The following DNMT1 variants were observed in gnomAD, a reference collection of about 807,000 sequenced individuals.
DNMT1 encodes the protein DNA (cytosine-5)-methyltransferase 1.
DNMT1 carries 24 observed loss-of-function variants against 205.3 expected under a neutral mutation model. The observed-to-expected ratio is 0.12, with a 90% confidence interval of 0.08 to 0.16. The LOEUF (loss-of-function observed/expected upper bound fraction) is 0.16, where lower values mean the gene tolerates loss of function less well. Ranked by LOEUF, DNMT1 falls within the 10% of genes least tolerant of loss-of-function variation. The pLI, the probability that DNMT1 is intolerant of heterozygous loss-of-function variation, is 1.00. For synonymous variants in DNMT1, 817 were observed against 839.8 expected (o/e 0.97, Z 0.47); for missense variants, 1,293 against 2,177.7 (o/e 0.59, Z 8.09).
At position 10,141,146 on chromosome 19, in the gene DNMT1, T is replaced by A. The variant is rs150331990; in HGVS notation, c.3353A>T (p.His1118Leu). ...KSKSFEDPPN[H>L]ARSPGNKGKG... ...CCCTTTGTTTCCAGGGCTACGGGCA[T>A]GGTTGGGAGGATCTTCAAAGCTTTT... The change falls in exon 31 of 41, where the codon CAT (histidine) becomes CTT (leucine). Residue 1118 changes from histidine (H) to leucine (L), a missense_variant. This residue lies in a region of DNMT1 where 167 missense variants were observed against 258.1 expected (regional missense o/e 0.65). Coordinates refer to ENST00000359526, the MANE Select transcript of DNMT1 (RefSeq NM_001130823.3). The A allele has an allele frequency of 6.2e-7, 1 of 1,614,018 alleles. No homozygotes were observed. Among genetic ancestry groups the A allele is most frequent in the Admixed American group, 1.7e-5 (1 of 60,018 alleles).
At chr19:10,152,160 CAAAAAAAAAAAAAAAAAA>C (rs56725732) in intron 22 of DNMT1, among the ~76,000 whole-genome samples, 1 of 14,334 alleles carries the variant, frequency 7.0e-5, no homozygotes, top group Non-Finnish European at 9.9e-5. Flanking sequence ...AACTCCATCT[CAAAAAAAAAAAAAAAAAA>C]AAAAAAAAAA....
chr19:10,142,401 A>T (rs185869810), intron 29 of DNMT1, among the ~76,000 whole-genome samples, 181 bp from the exon 30 acceptor site: 27 of 149,584 alleles, frequency 1.8e-4, no homozygotes, highest in Non-Finnish European at 3.6e-4. Flanking sequence ...TCCTCCCCAC[A>T]CTGGGGAACT....
chr19:10,136,012 TG>T, intron 38 of DNMT1, 108 bp downstream of exon 38: 1 of 1,536,262 alleles, frequency 6.5e-7, no homozygotes. Flanking sequence ...GCCAGGTGCC[TG>T]GGGTCCTGGG....
chr19:10,160,315 C>T, intron 14 of DNMT1, 69 bp downstream of exon 14: 1 of 1,606,366 alleles, frequency 6.2e-7, no homozygotes. Context: ...AAACCCCTTC[C>T]CTTTTGTTCT....
chr19:10,155,127 G>A (rs1250469783), intron 19 of DNMT1, 71 bp from the exon 20 acceptor site: 1 of 1,598,878 alleles, frequency 6.3e-7, no homozygotes, highest in African/African-American at 1.3e-5. Context: ...ACAGGGCATG[G>A]AGGAGTCTAC....
intron 1 of DNMT1, among the ~76,000 whole-genome samples, chr19:10,186,668 G>A (rs1163343733): frequency 6.6e-6 from 1 of 151,618 alleles, no homozygotes; most frequent in African/African-American, 2.4e-5. Flanking sequence ...AAGAAACTTC[G>A]TCTTTACTAA....
chr19:10,135,465 T>G, intron 39 of DNMT1: 1 of 504,696 alleles, frequency 2.0e-6, no homozygotes. Flanking sequence ...CCACCATGGG[T>G]TTTAGCCTGC....
chr19:10,182,710 C>CCCAG (rs1316479724), intron 1 of DNMT1, among the ~76,000 whole-genome samples: 1 of 151,542 alleles, frequency 6.6e-6, no homozygotes, highest in African/African-American at 2.4e-5. Flanking sequence ...CGCTCTGTTG[C>CCCAG]CCAGGCTGGA....
At chr19:10,158,792 T>C (rs528265332) in intron 17 of DNMT1, among the ~76,000 whole-genome samples, 55 of 152,230 alleles carry the variant, frequency 3.6e-4, no homozygotes, top group African/African-American at 1.3e-3. Flanking sequence ...CCATTCACCT[T>C]CCACAGCTGG....
rs768281161 is a variant in DNMT1, at chr19:10,180,896, G to GAT, written c.118-13_118-12dup. ...CTCCTTCACACATTCCTAAGGGAAG[G>GAT]ATATAGGTTTAGCAGTACCCACATT... On this transcript the variant is annotated splice_polypyrimidine_tract_variant and intron_variant, in intron 2 of 40. Transcript: ENST00000359526. 6.2e-7 allele frequency: 1 copy of GAT among 1,612,040 alleles called. No homozygotes were observed. The highest frequency in any genetic ancestry group is 1.7e-5 in the Admixed American group (1 of 59,980).
chr19:10,174,476 C>T (rs1415240375), intron 7 of DNMT1, among the ~76,000 whole-genome samples: 1 of 151,968 alleles, frequency 6.6e-6, no homozygotes, highest in Admixed American at 6.6e-5. Context: ...GAGGCTGAAG[C>T]GGGTGGATCA....
chr19:10,172,121 G>A (rs911691303), intron 9 of DNMT1, among the ~76,000 whole-genome samples: 1 of 151,882 alleles, frequency 6.6e-6, no homozygotes, highest in African/African-American at 2.4e-5. Context: ...AAATAAGTTT[G>A]AAAAGTATTT....
chr19:10,143,379 C>G (rs1236034481), intron 29 of DNMT1, among the ~76,000 whole-genome samples: 1 of 146,240 alleles, frequency 6.8e-6, no homozygotes, highest in African/African-American at 2.6e-5. Flanking sequence ...CCACGCCCAG[C>G]TAGTCTTTTT....
At chr19:10,182,440 TAC>T (rs2039075980) in intron 1 of DNMT1, among the ~76,000 whole-genome samples, 1 of 137,724 alleles carries the variant, frequency 7.3e-6, no homozygotes. Context: ...TGTATATATA[TAC>T]ATATATATGT....
At chr19:10,181,615 G>C (rs1446973533) in intron 2 of DNMT1, among the ~76,000 whole-genome samples, 1 of 151,268 alleles carries the variant, frequency 6.6e-6, no homozygotes, top group Non-Finnish European at 1.5e-5. Flanking sequence ...GGCAGATCAC[G>C]AGCAGGCGTT....
chr19:10,186,319 G>C (rs1275476341), intron 1 of DNMT1, among the ~76,000 whole-genome samples: 3 of 152,118 alleles, frequency 2.0e-5, no homozygotes, highest in Non-Finnish European at 4.4e-5. Context: ...TGGGATCCCA[G>C]GCAGGCAGTG....
At position 10,160,079 on chromosome 19, in the gene DNMT1, A is replaced by G. The variant is rs1394256954; in HGVS notation, c.1044-16T>C. 1.9e-6 allele frequency: 3 copies of G among 1,613,008 alleles called. No homozygotes were observed. Among genetic ancestry groups the G allele is most frequent in the South Asian group, 2.2e-5 (2 of 91,090 alleles). ...TTTCTCCGTTCTGGGGGAAAAAAAA[A>G]AATCACAAGATCGTTTGTTTAATTG... On this transcript the variant is annotated splice_polypyrimidine_tract_variant and intron_variant, in intron 14 of 40. Coordinates refer to ENST00000359526, the MANE Select transcript of DNMT1 (RefSeq NM_001130823.3).
intron 1 of DNMT1, among the ~76,000 whole-genome samples, chr19:10,187,135 T>G (rs1022179468): frequency 6.6e-6 from 1 of 151,696 alleles, no homozygotes; most frequent in Non-Finnish European, 1.5e-5. Flanking sequence ...CACTTATCCA[T>G]CTTGTTCCAT....
chr19:10,149,070 TC>T, intron 26 of DNMT1, 53 bp from the exon 27 acceptor site: 2 of 1,609,070 alleles, frequency 1.2e-6, no homozygotes, highest in Non-Finnish European at 1.7e-6. Flanking sequence ...ATGCCTGTAT[TC>T]CCAGCACTAT....
Sources: allele counts gnomAD v4.1 joint callset (sites outside exome capture counted in the v4.1 genomes callset), GRCh38; gene constraint gnomAD v4.1.1; regional missense constraint gnomAD v4.1.1; transcripts MANE v1.5; gene names NCBI Gene and HGNC (gene_info 2026-07-23, HGNC 2026-07-21).